Variants in CHD4 observed in about 807,000 individuals in gnomAD.
CHD4 encodes the protein ATP-dependent chromatin remodeler CHD4.
A neutral mutation model predicts 235.5 loss-of-function variants in CHD4; 35 were observed. The observed-to-expected ratio is 0.15, with a 90% CI of 0.11 to 0.20. The LOEUF is 0.20. CHD4 is among the 10% of genes least tolerant of loss of function. The pLI is 1.00. For missense variants in CHD4, 1,329 were observed against 2,432.3 expected (o/e 0.55, Z 9.54); for synonymous variants, 900 against 850.2 (o/e 1.06, Z -1.02).
intron 10 of CHD4, among the ~76,000 whole-genome samples, 170 bp from the exon 11 acceptor site, chr12:6,598,595 G>A (rs545417336): frequency 6.2e-4 from 94 of 152,334 alleles, no homozygotes; most frequent in African/African-American, 2.2e-3. Context: ...CAGATCACGA[G>A]GTCAAGAGAT....
intron 38 of CHD4, 89 bp downstream of exon 38, chr12:6,572,985 C>G: frequency 7.5e-7 from 1 of 1,339,268 alleles, no homozygotes. Flanking sequence ...CAAAGGAGCT[C>G]TGAAAGTTTG....
In CHD4 at chr12:6,592,081, A is replaced by G. The variant is rs771238548; in HGVS notation, c.2949-24T>C. On this transcript the variant is annotated intron_variant, in intron 19 of 39. Coordinates refer to ENST00000544040, the MANE Select transcript of CHD4 (RefSeq NM_001273.5). ...TCCTACATGGGCAAGGTAGAAAGAC[A>G]GGTTAGACTTGAGAGCCTTTCAATG... The G allele has an allele frequency of 1.9e-6, 3 of 1,613,718 alleles. No homozygotes were observed. In the Admixed American group the frequency reaches 5.0e-5, roughly 27 times the overall value.
chr12:6,581,089 C>T lies in CHD4; in HGVS notation c.4864G>A (p.Glu1622Lys). Residue 1622 changes from glutamate to lysine, a missense_variant, in exon 33 of 40, where the codon GAG (glutamate) becomes AAG (lysine). Transcript: ENST00000544040. ...PEGEEKVEKA[E>K]VKERTEEPME... ...GGTTCCTCTGTTCTCTCCTTCACCTCTGCCTTTTCCACTTTCTCCTCTCCC... is the reference window on the plus strand; with the variant it reads ...GGTTCCTCTGTTCTCTCCTTCACCTTTGCCTTTTCCACTTTCTCCTCTCCC... 1.2e-6 allele frequency: 2 copies of T among 1,614,186 alleles called. No individual in the cohort carries two copies. Among genetic ancestry groups the T allele is most frequent in the Non-Finnish European group, 1.7e-6 (2 of 1,180,024 alleles).
At chr12:6,595,660 C>T (rs551896183) in intron 13 of CHD4, among the ~76,000 whole-genome samples, 6 of 151,820 alleles carry the variant, frequency 4.0e-5, no homozygotes, top group Non-Finnish European at 8.8e-5. Context: ...TGGTGGCAGA[C>T]GCCTGTAATC....
chr12:6,593,097 C>A lies in CHD4; in HGVS notation c.2646G>T (p.Gln882His), dbSNP rs755447776. ...TCCCTCCCTCAGCCCTCACCTTAGA[C>A]TGATTGTTCTTCAGCCGATGGGCTT... Reference protein sequence around the residue: ...VDEAHRLKNNQSKFFRVLNGY... With the variant: ...VDEAHRLKNNHSKFFRVLNGY... Residue 882 changes from glutamine (Q) to histidine (H), a missense_variant, in exon 17 of 40, where the codon CAG becomes CAT. Physicochemically the swap from Gln to His is conservative, Grantham distance 24 (BLOSUM62 0). This residue lies in a region of CHD4 where 78 missense variants were observed against 174.8 expected (regional missense o/e 0.45). Transcript: ENST00000544040. The surrounding 1 kb of genome is among the most constrained non-coding windows in gnomAD (Gnocchi z 4.9). The A allele has an allele frequency of 1.9e-6, 3 of 1,614,062 alleles. No individual in the cohort carries two copies. The highest frequency in any genetic ancestry group is 2.5e-6 in the Non-Finnish European group (3 of 1,180,012).
chr12:6,591,145 A>C lies in CHD4; in HGVS notation c.3340+321T>G, dbSNP rs1048361544. Reference sequence around the variant, plus strand: ...CTCAAAAAAAAAAAAAAAAAAAAAAAAAAAAACCTAGTAGCGTCTACTGAG... The same window carrying C: ...CTCAAAAAAAAAAAAAAAAAAAAAACAAAAAACCTAGTAGCGTCTACTGAG... On this transcript the variant is annotated intron_variant, in intron 22 of 39. Coordinates refer to ENST00000544040, the MANE Select transcript of CHD4 (RefSeq NM_001273.5). 1.5e-4 allele frequency: 27 copies of C among 182,484 alleles called. No homozygotes were observed. In the East Asian group the frequency reaches 1.9e-3, roughly 13 times the overall value. The allele number at this position is 182,484 out of a possible 1,614,324, so 11.3% of individuals were successfully genotyped here. A position where few individuals can be genotyped will look rare whatever the true frequency, so the allele number is the denominator to read the frequency against.
rs1948605005 is a variant in CHD4, at chr12:6,602,062, A to G, written c.336T>C (p.Pro112=). The G allele has an allele frequency of 6.2e-7, 1 of 1,613,318 alleles. No homozygotes were observed. Among genetic ancestry groups the G allele is most frequent in the Non-Finnish European group, 8.5e-7 (1 of 1,179,864 alleles). ...RSDSEGSDYT[P]GKKKKKKLGP... ...CAAGCTTCTTCTTCTTCTTCTTGCC[A>G]GGAGTATAGTCGCTGCCCTCACTGT... The change falls in exon 4 of 40, where the codon CCT becomes CCC. Residue 112 remains proline, a synonymous_variant. Transcript: ENST00000544040.
intron 10 of CHD4, among the ~76,000 whole-genome samples, chr12:6,598,977 T>C (rs534280098): frequency 1.1e-4 from 17 of 152,342 alleles, no homozygotes; most frequent in African/African-American, 4.1e-4. Flanking sequence ...CCCTCTCCAT[T>C]TCTGGACATC....
Position 6,573,193 on chromosome 12 carries a change from T to C in CHD4, c.5438A>G (p.His1813Arg). The change falls in exon 38 of 40, where the codon CAC becomes CGC. Residue 1813 changes from histidine (H) to arginine (R), a missense_variant. Physicochemically the swap from His to Arg is conservative, Grantham distance 29. Transcript: ENST00000544040. ...AYLNMSEDPS[H>R]PSMALNTRFA... Reference sequence around the variant, plus strand: ...GCGGGTGTTGAGGGCCATGGAAGGGTGAGAAGGGTCTTCTGACATGTTCAA... The same window carrying C: ...GCGGGTGTTGAGGGCCATGGAAGGGCGAGAAGGGTCTTCTGACATGTTCAA... 6.2e-7 allele frequency: 1 copy of C among 1,606,266 alleles called. No homozygotes were observed. Among genetic ancestry groups the C allele is most frequent in the Non-Finnish European group, 8.5e-7 (1 of 1,177,276 alleles).
intron 22 of CHD4, among the ~76,000 whole-genome samples, chr12:6,590,891 G>A (rs1948383390): frequency 1.3e-5 from 2 of 151,968 alleles, no homozygotes; most frequent in South Asian, 2.1e-4. Flanking sequence ...TTGGGAGGCC[G>A]AGGTGGGCGG....
chr12:6,605,823 G>C (rs1456774645), intron 2 of CHD4, among the ~76,000 whole-genome samples: 3 of 152,284 alleles, frequency 2.0e-5, no homozygotes, highest in Non-Finnish European at 2.9e-5. Flanking sequence ...TAATCAGATA[G>C]AGTGTAACCA....
At position 6,582,696 on chromosome 12, in the gene CHD4, C is replaced by T. The variant is rs1948215796; in HGVS notation, c.4289G>A (p.Arg1430Gln). ...AGCATCCTGAGGTGGCATACCATAT[C>T]GCATAATTGCATTAAGAAAGGCTTT... ...QRKAFLNAIM[R>Q]YGMPPQDAFT... The change falls in exon 29 of 40, where the codon CGA (arginine) becomes CAA (glutamine). Residue 1430 changes from arginine to glutamine, a missense_variant. This residue lies in a region of CHD4 where 48 missense variants were observed against 109.6 expected (regional missense o/e 0.44). Transcript: ENST00000544040. 6.2e-7 allele frequency: 1 copy of T among 1,614,034 alleles called. No individual in the cohort carries two copies. Among genetic ancestry groups the T allele is most frequent in the Non-Finnish European group, 8.5e-7 (1 of 1,180,046 alleles).
At chr12:6,595,707 G>C (rs901667660) in intron 13 of CHD4, among the ~76,000 whole-genome samples, 1 of 150,400 alleles carries the variant, frequency 6.6e-6, no homozygotes, top group Admixed American at 6.7e-5. Flanking sequence ...AGAATTGCTT[G>C]AACCCAGGAG....
Position 6,577,936 on chromosome 12 carries a change from G to A in CHD4, c.5229-19C>T. 1 of 1,613,510 alleles carries A rather than the reference G, an allele frequency of 6.2e-7. No homozygotes were observed. Among genetic ancestry groups the A allele is most frequent in the Non-Finnish European group, 8.5e-7 (1 of 1,179,978 alleles). On this transcript the variant is annotated intron_variant, in intron 36 of 39. Transcript: ENST00000544040. ...GCCATGGCTATTGGAAAAGTGCTCA[G>A]GAAAAACAAAACAAGGAAAGTAAGA...
chr12:6,600,949 CA>C lies in CHD4; in HGVS notation c.903del (p.Phe301LeufsTer15). Reference protein sequence around the residue: ...VAPLKIKLGGFGSKRKRSSSE... With the variant: ...VAPLKIKLGGXGSKRKRSSSE... ...ACCGAGGATCTCTTACGCTTGGAAC[CA>C]AAACCTCCCAGCTTGATTTTCAGGG... On this transcript the variant is annotated frameshift_variant, in exon 7 of 40. Coordinates refer to ENST00000544040, the MANE Select transcript of CHD4 (RefSeq NM_001273.5). LOFTEE classifies it high-confidence loss of function. The C allele has an allele frequency of 6.2e-7, 1 of 1,603,630 alleles. No individual in the cohort carries two copies. Among genetic ancestry groups the C allele is most frequent in the Non-Finnish European group, 8.5e-7 (1 of 1,176,128 alleles).
chr12:6,586,666 G>A (rs1225981345), intron 25 of CHD4, among the ~76,000 whole-genome samples: 1 of 151,624 alleles, frequency 6.6e-6, no homozygotes, highest in Non-Finnish European at 1.5e-5. Flanking sequence ...CTGCACTCTA[G>A]CCTGGGTGAC....
chr12:6,588,753 G>A (rs1948343813), intron 22 of CHD4, among the ~76,000 whole-genome samples: 1 of 151,748 alleles, frequency 6.6e-6, no homozygotes, highest in Non-Finnish European at 1.5e-5. Context: ...ACTTTAGCCT[G>A]GGCAACAGAG....
intron 4 of CHD4, 42 bp downstream of exon 4, chr12:6,601,918 A>G (rs1342209446): frequency 6.2e-7 from 1 of 1,603,494 alleles, no homozygotes; most frequent in South Asian, 1.1e-5. Context: ...ACAAAAAGAC[A>G]AAAGTTTAAC....
In CHD4 at chr12:6,577,708, C is replaced by T; in HGVS notation, c.5361+77G>A. On this transcript the variant is annotated intron_variant, in intron 37 of 39. Transcript: ENST00000544040. The stretch of plus-strand genomic sequence containing the variant: ...AAGTGAGAACAGTGCGCTGGATGGA[C>T]AGACTCCCTCTGCTGCAGGACGTTA... The T allele has an allele frequency of 8.9e-6, 14 of 1,576,538 alleles. 1 individual carries two copies. In the South Asian group the frequency reaches 1.6e-4, roughly 18 times the overall value.
Sources: gnomAD v4.1 joint callset for allele counts (sites outside exome capture counted in the v4.1 genomes callset) on GRCh38, gnomAD v4.1.1 for gene constraint, gnomAD v4.1.1 regional missense constraint, Gnocchi (gnomAD v3.1) non-coding constraint, MANE v1.5 for transcripts, NCBI Gene and HGNC (gene_info 2026-07-23, HGNC 2026-07-21) for gene names.